ARHGAP10: variants seen among roughly 807,000 people sequenced by gnomAD.
ARHGAP10 encodes Rho GTPase activating protein 10.
Under a neutral mutation model 108.6 loss-of-function variants are expected in ARHGAP10, and 87 were observed. The ratio of observed to expected loss-of-function variants is 0.80; its 90% CI spans 0.67 to 0.96. The LOEUF (loss-of-function observed/expected upper bound fraction) is 0.96, where lower values mean the gene tolerates loss of function less well. Among genes scored for constraint, ARHGAP10 ranks in the 40% least tolerant of loss-of-function variants. The pLI, the probability that ARHGAP10 is intolerant of heterozygous loss-of-function variation, is 0.00. For synonymous variants in ARHGAP10, 347 were observed against 341.1 expected (o/e 1.02, Z -0.19); for missense variants, 939 against 954.5 (o/e 0.98, Z 0.21).
intron 1 of ARHGAP10, among the ~76,000 whole-genome samples, chr4:147,765,323 GGTGT>G (rs34349553): frequency 1.2e-5 from 1 of 84,946 alleles, no homozygotes; most frequent in Non-Finnish European, 2.4e-5. Flanking sequence ...TGTGTGCTGT[GGTGT>G]GTGTGTGTGT....
At chr4:147,941,999 T>C (rs1238674292) in intron 14 of ARHGAP10, among the ~76,000 whole-genome samples, 1 of 152,164 alleles carries the variant, frequency 6.6e-6, no homozygotes, top group Non-Finnish European at 1.5e-5. Flanking sequence ...GTTTTAGAGT[T>C]TTGAATAGTC....
At chr4:148,031,615 G>C (rs1339546372) in intron 19 of ARHGAP10, among the ~76,000 whole-genome samples, 2 of 152,164 alleles carry the variant, frequency 1.3e-5, no homozygotes, top group East Asian at 3.9e-4. Flanking sequence ...GTTCCTTTCA[G>C]AGTTACTCTG....
At chr4:147,981,653 G>GT (rs1449443434) in intron 18 of ARHGAP10, among the ~76,000 whole-genome samples, 3 of 152,236 alleles carry the variant, frequency 2.0e-5, no homozygotes, top group African/African-American at 4.8e-5. Flanking sequence ...TCAGTGAAGT[G>GT]TTGAAGTCTC....
intron 12 of ARHGAP10, among the ~76,000 whole-genome samples, chr4:147,912,029 GTGTGTGTGTGTA>G (rs1399408573): frequency 3.7e-5 from 4 of 109,542 alleles, no homozygotes; most frequent in South Asian, 6.3e-4. Flanking sequence ...GTGTGTGTGT[GTGTGTGTGTGTA>G]TAGTTTTCTT....
chr4:148,053,727 G>A (rs1382282824), intron 20 of ARHGAP10, among the ~76,000 whole-genome samples: 1 of 152,112 alleles, frequency 6.6e-6, no homozygotes, highest in African/African-American at 2.4e-5. Flanking sequence ...CTTCTCTCCA[G>A]CTTTGTATAG....
chr4:147,827,876 G>T (rs1216416448), intron 3 of ARHGAP10, among the ~76,000 whole-genome samples: 1 of 152,134 alleles, frequency 6.6e-6, no homozygotes, highest in Non-Finnish European at 1.5e-5. Flanking sequence ...TGCAATCTCA[G>T]CTCACTGCAG....
intron 1 of ARHGAP10, among the ~76,000 whole-genome samples, chr4:147,752,126 G>A (rs1360433915): frequency 6.6e-6 from 1 of 152,074 alleles, no homozygotes; most frequent in Non-Finnish European, 1.5e-5. Flanking sequence ...CTCATGATCT[G>A]CCTGCCTTGG....
chr4:147,847,518 G>T (rs926256111), intron 4 of ARHGAP10, among the ~76,000 whole-genome samples: 2 of 152,214 alleles, frequency 1.3e-5, no homozygotes, highest in African/African-American at 4.8e-5. Context: ...TTATTACTGG[G>T]GGGAGTGTAG....
At chr4:147,991,975 A>C (rs371765347) in intron 18 of ARHGAP10, among the ~76,000 whole-genome samples, 2 of 152,226 alleles carry the variant, frequency 1.3e-5, no homozygotes, top group African/African-American at 4.8e-5. Flanking sequence ...TGTCAGCCAC[A>C]TTCAAAAAGT....
chr4:147,983,256 G>A (rs1739900564), intron 18 of ARHGAP10, among the ~76,000 whole-genome samples: 1 of 150,970 alleles, frequency 6.6e-6, no homozygotes, highest in Middle Eastern at 3.2e-3. Context: ...CACGATCTCG[G>A]CTCACTGCAA....
chr4:147,935,771 G>A (rs372201510), intron 13 of ARHGAP10, among the ~76,000 whole-genome samples: 1 of 152,136 alleles, frequency 6.6e-6, no homozygotes. Flanking sequence ...ATAGAAAATC[G>A]AACAAGACTT....
At chr4:148,009,120 A>G (rs1049785938) in intron 18 of ARHGAP10, among the ~76,000 whole-genome samples, 4 of 151,944 alleles carry the variant, frequency 2.6e-5, no homozygotes, top group Non-Finnish European at 5.9e-5. Context: ...GAGATCCTCA[A>G]TACTTCTCTT....
chr4:147,811,955 G>A (rs1217037129), intron 1 of ARHGAP10, among the ~76,000 whole-genome samples: 1 of 152,170 alleles, frequency 6.6e-6, no homozygotes, highest in East Asian at 1.9e-4. Flanking sequence ...TGTTAGCTTG[G>A]TGCCTTATCA....
At chr4:148,043,325 C>A (rs919957206) in intron 19 of ARHGAP10, among the ~76,000 whole-genome samples, 7 of 151,858 alleles carry the variant, frequency 4.6e-5, no homozygotes, top group African/African-American at 1.7e-4. Flanking sequence ...ACTGGAACAA[C>A]CTTTTTACCC....
chr4:147,958,014 C>T (rs534908228), intron 16 of ARHGAP10, among the ~76,000 whole-genome samples: 68 of 152,284 alleles, frequency 4.5e-4, no homozygotes, highest in African/African-American at 1.3e-3. Flanking sequence ...ACCCAGTAGA[C>T]GATCCATCTT....
intron 18 of ARHGAP10, among the ~76,000 whole-genome samples, chr4:148,013,057 T>G (rs2149655729): frequency 6.6e-6 from 1 of 152,276 alleles, no homozygotes; most frequent in East Asian, 1.9e-4. Flanking sequence ...GTTTATCAAT[T>G]AAAGCAAAGT....
chr4:147,765,976 C>T (rs1729793685), intron 1 of ARHGAP10, among the ~76,000 whole-genome samples: 1 of 152,116 alleles, frequency 6.6e-6, no homozygotes, highest in Non-Finnish European at 1.5e-5. Flanking sequence ...CAGATGCTCT[C>T]AAGTCCCTTA....
At chr4:147,757,965 G>A (rs1729448309) in intron 1 of ARHGAP10, among the ~76,000 whole-genome samples, 1 of 152,130 alleles carries the variant, frequency 6.6e-6, no homozygotes, top group African/African-American at 2.4e-5. Flanking sequence ...TACAAGCCTG[G>A]TACGTGTGCC....
At chr4:147,747,462 C>G (rs1273669074) in intron 1 of ARHGAP10, among the ~76,000 whole-genome samples, 1 of 152,190 alleles carries the variant, frequency 6.6e-6, no homozygotes, top group Non-Finnish European at 1.5e-5. Flanking sequence ...AAAAGATACC[C>G]ATCAGTGGGT....
Sources: allele counts gnomAD v4.1 joint callset (sites outside exome capture counted in the v4.1 genomes callset), GRCh38; gene constraint gnomAD v4.1.1; transcripts MANE v1.5; gene names NCBI Gene and HGNC (gene_info 2026-07-23, HGNC 2026-07-21).